The following FAM222B variants were observed in gnomAD, a reference collection of about 807,000 sequenced individuals.
FAM222B encodes family with sequence similarity 222 member B.
FAM222B carries 12 observed loss-of-function variants against 38.0 expected under a neutral mutation model. That is an observed-to-expected ratio of 0.32 (90% CI 0.20 to 0.51). The LOEUF is 0.51. Ranked by LOEUF, FAM222B falls within the 20% of genes least tolerant of loss-of-function variation. FAM222B has a pLI of 0.97. For missense variants in FAM222B, 716 were observed against 754.2 expected, an observed-to-expected ratio of 0.95 and a Z score of 0.59; for synonymous variants, 329 against 317.2, an observed-to-expected ratio of 1.04 and a Z score of -0.40.
rs1597824470 is a variant in FAM222B, at chr17:28,757,500, G to A, written c.*770C>T. 6.6e-6 allele frequency: 1 copy of A among 151,926 alleles called. No homozygotes were observed. Among genetic ancestry groups the A allele is most frequent in the Non-Finnish European group, 1.5e-5 (1 of 67,992 alleles). 9.4% of individuals were successfully genotyped at this position (151,926 alleles called of 1,614,324 possible). A position where few individuals can be genotyped will look rare whatever the true frequency, so the allele number is the denominator to read the frequency against. ...GAAAGGATAGGGGCTGTGGGGAGGT[G>A]AGTTAGGGGACAGGCAACAGTGAGA... On this transcript the variant is annotated 3_prime_UTR_variant, in exon 3 of 3. Transcript: ENST00000581407.
intron 1 of FAM222B, among the ~76,000 whole-genome samples, chr17:28,813,163 A>AC (rs1491189963): frequency 6.1e-5 from 9 of 146,592 alleles, no homozygotes; most frequent in African/African-American, 2.2e-4. Context: ...AAAAAAAAAA[A>AC]ACACACATAG....
At chr17:28,824,359 AT>A (rs35881758) in intron 1 of FAM222B, among the ~76,000 whole-genome samples, 28,866 of 150,778 alleles carry the variant, frequency 0.19, 2,881 homozygotes, top group South Asian at 0.3. Flanking sequence ...TAATTTTCTT[AT>A]TTTTTTGTAG....
chr17:28,837,740 C>T (rs1280606912), intron 1 of FAM222B, among the ~76,000 whole-genome samples: 11 of 151,774 alleles, frequency 7.2e-5, no homozygotes, highest in African/African-American at 2.4e-4. Flanking sequence ...ACCACCTCCA[C>T]CTCCTGGATT....
intron 1 of FAM222B, among the ~76,000 whole-genome samples, chr17:28,817,238 C>A (rs947767834): frequency 4.6e-5 from 7 of 151,466 alleles, no homozygotes; most frequent in African/African-American, 9.7e-5. Context: ...ATTGTGAAAC[C>A]CCATCTCTAC....
At chr17:28,847,883 C>A (rs558953472) in intron 1 of FAM222B, among the ~76,000 whole-genome samples, 36 of 150,222 alleles carry the variant, frequency 2.4e-4, no homozygotes, top group Middle Eastern at 3.4e-3. Flanking sequence ...CACTGTACTC[C>A]GGCCTGGGCG....
rs1306867992 is a variant in FAM222B, at chr17:28,758,097, G to A, written c.*173C>T. On this transcript the variant is annotated 3_prime_UTR_variant, in exon 3 of 3. Coordinates refer to ENST00000581407, the MANE Select transcript of FAM222B (RefSeq NM_001077498.3). ...CATAAAACCAAAAGTTGCTGGAGGG[G>A]AGGACGAGAGGACCCCTTCTGTCCC... is the stretch of plus-strand genomic sequence containing the variant. The A allele has an allele frequency of 1.8e-6, 1 of 569,734 alleles. No homozygotes were observed. The highest frequency in any genetic ancestry group is 3.0e-5 in the South Asian group (1 of 33,126). The allele number at this position is 569,734 out of a possible 1,614,324, so 35.3% of individuals were successfully genotyped here. A position where few individuals can be genotyped will look rare whatever the true frequency, so the allele number is the denominator to read the frequency against.
chr17:28,778,898 T>G (rs2151833000), intron 1 of FAM222B, among the ~76,000 whole-genome samples: 1 of 150,888 alleles, frequency 6.6e-6, no homozygotes, highest in African/African-American at 2.4e-5. Context: ...GACTTGAGGT[T>G]TCAAAGCTCT....
intron 1 of FAM222B, among the ~76,000 whole-genome samples, chr17:28,768,255 A>T (rs906727091): frequency 6.6e-6 from 1 of 152,120 alleles, no homozygotes; most frequent in Non-Finnish European, 1.5e-5. Flanking sequence ...AGACGACAAA[A>T]ATCTCCTTAT....
Position 28,758,898 on chromosome 17 carries a change from G to A in FAM222B, c.1061C>T (p.Thr354Ile). ...NLPTGISRVP[T>I]GYPSDLKPVT... ...TGGCTTGAGGTCGCTAGGGTAGCCA[G>A]TGGGGACGCGAGAGATGCCTGTGGG... Residue 354 changes from threonine to isoleucine, a missense_variant, in exon 3 of 3, where the codon ACT becomes ATT. By Grantham distance (89) the Thr-to-Ile change is moderately conservative. Coordinates refer to ENST00000581407, the MANE Select transcript of FAM222B (RefSeq NM_001077498.3). 1 of 1,609,318 alleles carries A rather than the reference G, an allele frequency of 6.2e-7. No individual in the cohort carries two copies. Among genetic ancestry groups the A allele is most frequent in the Non-Finnish European group, 8.5e-7 (1 of 1,178,300 alleles).
chr17:28,774,237 A>G (rs1407128895), intron 1 of FAM222B, among the ~76,000 whole-genome samples: 1 of 151,754 alleles, frequency 6.6e-6, no homozygotes, highest in South Asian at 2.1e-4. Flanking sequence ...GTATTTCCAG[A>G]ATTAGATCCA....
chr17:28,758,647 T>C lies in FAM222B; in HGVS notation c.1312A>G (p.Met438Val), dbSNP rs2034854686. 3 of 1,610,834 alleles carry C rather than the reference T, an allele frequency of 1.9e-6. No individual in the cohort carries two copies. Among genetic ancestry groups the C allele is most frequent in the Admixed American group, 1.7e-5 (1 of 59,922 alleles). Residue 438 changes from methionine to valine, a missense_variant, in exon 3 of 3, where the codon ATG becomes GTG. Physicochemically the swap from Met to Val is conservative, Grantham distance 21 (BLOSUM62 1). Coordinates refer to ENST00000581407, the MANE Select transcript of FAM222B (RefSeq NM_001077498.3). ...TTGGGGTAGGCCAATGGGGCTGCCA[T>C]GCCGTTGACTGGTGGGGATGGGGTC... ...KPTPSPPVNG[M>V]AAPLAYPNGH...
At chr17:28,784,740 G>A (rs940464916) in intron 1 of FAM222B, among the ~76,000 whole-genome samples, 2 of 152,108 alleles carry the variant, frequency 1.3e-5, no homozygotes, top group African/African-American at 4.8e-5. Flanking sequence ...TGAGGCAGGA[G>A]AATTGCTTGA....
rs369509726 is a variant in FAM222B at position 28,759,608 on chromosome 17, G to A, written c.351C>T (p.Asp117=). ...CAGGGAGCAACCGGGCTCGGGTGCC[G>A]TCAAAGTCCTTGAGTATGCTTTTGG... ...VPAKSILKDF[D]GTRARLLPEA... The change falls in exon 3 of 3, where the codon GAC becomes GAT. Residue 117 remains aspartate (D), a synonymous_variant. Transcript: ENST00000581407. This position sits in a 1 kb window ranked among gnomAD's most constrained non-coding sequence, Gnocchi z 4.8. The A allele has an allele frequency of 2.2e-4, 356 of 1,612,494 alleles. 2 individuals are homozygous for A. The highest frequency in any genetic ancestry group is 2.0e-3 in the Middle Eastern group (12 of 6,056).
intron 2 of FAM222B, among the ~76,000 whole-genome samples, chr17:28,764,275 A>AT (rs2035224843): frequency 1.3e-5 from 2 of 149,422 alleles, no homozygotes; most frequent in Admixed American, 6.6e-5. Context: ...CCATCTCAAA[A>AT]AAAAAAAAAA....
intron 1 of FAM222B, among the ~76,000 whole-genome samples, chr17:28,772,663 A>G (rs1467101081): frequency 3.3e-5 from 5 of 151,776 alleles, no homozygotes; most frequent in Non-Finnish European, 7.4e-5. Context: ...TTGGGAGGCC[A>G]AGGTGGGCAG....
At chr17:28,766,871 C>T in intron 1 of FAM222B, 164 bp from the exon 2 acceptor site, 3 of 541,746 alleles carry the variant, frequency 5.5e-6, no homozygotes, top group South Asian at 2.4e-5. Flanking sequence ...TCTGTGACGA[C>T]AATTTGCTGT....
At chr17:28,792,926 CT>C (rs1199677215) in intron 1 of FAM222B, among the ~76,000 whole-genome samples, 1 of 150,570 alleles carries the variant, frequency 6.6e-6, no homozygotes, top group Non-Finnish European at 1.5e-5. Context: ...ATTTTTTCAT[CT>C]TTTTTTTTAA....
intron 1 of FAM222B, among the ~76,000 whole-genome samples, chr17:28,788,070 C>T (rs1430285819): frequency 2.0e-5 from 3 of 151,916 alleles, no homozygotes; most frequent in Non-Finnish European, 2.9e-5. Context: ...GTGATCCGCC[C>T]GCCTCGGCCT....
chr17:28,766,242 A>G (rs2035321422), intron 2 of FAM222B, among the ~76,000 whole-genome samples: 1 of 152,004 alleles, frequency 6.6e-6, no homozygotes, highest in South Asian at 2.1e-4. Context: ...ATCACCTGAG[A>G]TCAGGAGTTT....
Sources: allele counts gnomAD v4.1 joint callset (sites outside exome capture counted in the v4.1 genomes callset), GRCh38; gene constraint gnomAD v4.1.1; non-coding constraint Gnocchi (gnomAD v3.1); transcripts MANE v1.5; gene names NCBI Gene and HGNC (gene_info 2026-07-23, HGNC 2026-07-21).